The following EML4 variants were observed in gnomAD, a reference collection of about 807,000 sequenced individuals.
The protein encoded by EML4 is EMAP like 4.
In EML4, 72 loss-of-function variants were observed where a neutral mutation model predicts 129.0. The ratio of observed to expected loss-of-function variants is 0.56; its 90% CI spans 0.46 to 0.68. EML4 has a LOEUF of 0.68. EML4 is among the 30% of genes least tolerant of loss of function. The probability of loss-of-function intolerance (pLI) is 0.00; values close to 1 mark genes in which losing one functional copy is unlikely to be tolerated. For missense variants in EML4, 1,363 were observed against 1,190.6 expected (o/e 1.14, Z -2.13); for synonymous variants, 532 against 405.0 (o/e 1.31, Z -3.77).
intron 1 of EML4, among the ~76,000 whole-genome samples, chr2:42,177,256 C>A (rs750417079): frequency 6.8e-6 from 1 of 147,918 alleles, no homozygotes; most frequent in African/African-American, 2.5e-5. Flanking sequence ...TTTCATACCT[C>A]TTTTTTTTTT....
In EML4 at chr2:42,263,165, A is replaced by G. The variant is rs201200456; in HGVS notation, c.513-13A>G. The G allele has an allele frequency of 5.9e-5, 94 of 1,599,372 alleles. No individual in the cohort carries two copies. The highest frequency in any genetic ancestry group is 1.4e-4 in the South Asian group (12 of 88,068). On this transcript the variant is annotated splice_polypyrimidine_tract_variant and intron_variant, in intron 4 of 22. Coordinates refer to ENST00000318522, the MANE Select transcript of EML4 (RefSeq NM_019063.5). Reference sequence around the variant, plus strand: ...CTCAGAATTTTTCTCTAAGAAATTAATGTTCCTTCTAGCATAAAACGACCA... The same window carrying G: ...CTCAGAATTTTTCTCTAAGAAATTAGTGTTCCTTCTAGCATAAAACGACCA...
intron 1 of EML4, among the ~76,000 whole-genome samples, chr2:42,212,468 G>A (rs970028676): frequency 6.6e-6 from 1 of 151,696 alleles, no homozygotes; most frequent in African/African-American, 2.4e-5. Context: ...AAGCAAACTC[G>A]GCAGTAGATT....
At chr2:42,302,933 A>G (rs1184450359) in intron 14 of EML4, among the ~76,000 whole-genome samples, 171 bp from the exon 15 acceptor site, 2 of 152,238 alleles carry the variant, frequency 1.3e-5, no homozygotes, top group Non-Finnish European at 2.9e-5. Flanking sequence ...TAACTTCTGT[A>G]TAATAAAATG....
chr2:42,195,103 A>C (rs1243543162), intron 1 of EML4, among the ~76,000 whole-genome samples: 1 of 152,126 alleles, frequency 6.6e-6, no homozygotes, highest in Non-Finnish European at 1.5e-5. Flanking sequence ...TTAGGTCAGA[A>C]TTATGGGTTT....
At chr2:42,228,836 T>C (rs948201848) in intron 1 of EML4, among the ~76,000 whole-genome samples, 1 of 152,218 alleles carries the variant, frequency 6.6e-6, no homozygotes, top group East Asian at 1.9e-4. Context: ...CTTATTTAAA[T>C]CCTAACAATG....
intron 6 of EML4, among the ~76,000 whole-genome samples, chr2:42,266,408 T>C (rs555404427): frequency 1.3e-5 from 2 of 152,294 alleles, no homozygotes; most frequent in East Asian, 3.9e-4. Flanking sequence ...GTGCAGTCAC[T>C]GCCTTGGCTC....
rs907738766 is a variant in EML4 at position 42,232,585 on chromosome 2, G to A, written c.26-12920G>A. 2.6e-5 allele frequency among the ~76,000 whole-genome samples: 4 copies of A among 152,280 alleles called. No individual in the cohort carries two copies. The South Asian group carries it at 8.3e-4, about 32-fold the overall frequency. On this transcript the variant is annotated intron_variant, in intron 1 of 22. Transcript: ENST00000318522. The stretch of plus-strand genomic sequence containing the variant: ...ATATTCCCCAACCCACCTCACTCCT[G>A]TTAATCTTTCAAGTAACTCCTATAC...
rs1414737177 is a variant in EML4, at chr2:42,196,984, A to G, written c.25+27348A>G. Among the ~76,000 whole-genome samples, 5 of 152,242 alleles carry G rather than the reference A, an allele frequency of 3.3e-5. No homozygotes were observed. The South Asian group carries it at 6.2e-4, about 19-fold the overall frequency. On this transcript the variant is annotated intron_variant, in intron 1 of 22. Coordinates refer to ENST00000318522, the MANE Select transcript of EML4 (RefSeq NM_019063.5). Reference sequence around the variant, plus strand: ...TTATGTTCAGTGTTTTTGTAGGCCCATAGAATAAATACAGTAGAAGAGCCC... The same window carrying G: ...TTATGTTCAGTGTTTTTGTAGGCCCGTAGAATAAATACAGTAGAAGAGCCC...
At position 42,315,954 on chromosome 2, in the gene EML4, C is replaced by A; in HGVS notation, c.1968-8C>A. On this transcript the variant is annotated splice_polypyrimidine_tract_variant and splice_region_variant and intron_variant, in intron 17 of 22. Coordinates refer to ENST00000318522, the MANE Select transcript of EML4 (RefSeq NM_019063.5). ...CTGAAGAAAATTTTGATTTTTACTTCTTAACAGGTGGTTTGTTCTGGATGC... is the reference window on the plus strand; with the variant it reads ...CTGAAGAAAATTTTGATTTTTACTTATTAACAGGTGGTTTGTTCTGGATGC... The A allele has an allele frequency of 6.2e-7, 1 of 1,600,450 alleles. No homozygotes were observed. Among genetic ancestry groups the A allele is most frequent in the Non-Finnish European group, 8.5e-7 (1 of 1,172,804 alleles).
At chr2:42,271,972 C>T (rs965472186) in intron 6 of EML4, among the ~76,000 whole-genome samples, 1 of 151,656 alleles carries the variant, frequency 6.6e-6, no homozygotes, top group Non-Finnish European at 1.5e-5. Flanking sequence ...CATGATGGCA[C>T]CTGTCTGTTG....
At chr2:42,244,430 T>A (rs1305221661) in intron 1 of EML4, among the ~76,000 whole-genome samples, 1 of 152,222 alleles carries the variant, frequency 6.6e-6, no homozygotes, top group Non-Finnish European at 1.5e-5. Context: ...TGGATTCTTA[T>A]TGACCCAACA....
intron 9 of EML4, among the ~76,000 whole-genome samples, chr2:42,285,410 A>G (rs2103627898): frequency 6.6e-6 from 1 of 152,244 alleles, no homozygotes; most frequent in South Asian, 2.1e-4. Context: ...AAAGGAGTAG[A>G]AGGTTTCTAC....
intron 19 of EML4, among the ~76,000 whole-genome samples, chr2:42,320,168 A>G (rs1273199975): frequency 6.6e-6 from 1 of 152,118 alleles, no homozygotes; most frequent in African/African-American, 2.4e-5. Context: ...TGACATCATT[A>G]TAGTCCAGGG....
intron 4 of EML4, among the ~76,000 whole-genome samples, chr2:42,262,307 C>T (rs1269600892): frequency 6.6e-6 from 1 of 152,134 alleles, no homozygotes; most frequent in East Asian, 1.9e-4. Context: ...GATTCTTACC[C>T]AATCTAAATG....
At chr2:42,259,292 A>T (rs1665560161) in intron 3 of EML4, among the ~76,000 whole-genome samples, 2 of 151,960 alleles carry the variant, frequency 1.3e-5, no homozygotes, top group South Asian at 4.2e-4. Context: ...AGAAATAGGC[A>T]TTTAGTAGTT....
intron 11 of EML4, 53 bp downstream of exon 11, chr2:42,288,375 C>A: frequency 1.1e-6 from 1 of 941,454 alleles, no homozygotes; most frequent in South Asian, 1.4e-5. Flanking sequence ...ACTTGTTTTG[C>A]AGGTATTTGG....
At chr2:42,299,850 G>A (rs951708740) in intron 13 of EML4, among the ~76,000 whole-genome samples, 9 of 152,036 alleles carry the variant, frequency 5.9e-5, no homozygotes, top group Admixed American at 2.0e-4. Flanking sequence ...CATCATGCCC[G>A]GCTAATTTTG....
At chr2:42,169,713 G>A (rs1027589131) in intron 1 of EML4, 77 bp downstream of exon 1, 134 of 1,499,422 alleles carry the variant, frequency 8.9e-5, no homozygotes, top group Non-Finnish European at 1.1e-4. Context: ...CCCAGGCCCT[G>A]CCCTCCCGCC....
At chr2:42,291,933 G>C (rs1667668970) in intron 11 of EML4, among the ~76,000 whole-genome samples, 1 of 152,090 alleles carries the variant, frequency 6.6e-6, no homozygotes, top group Non-Finnish European at 1.5e-5. Flanking sequence ...TAAAACCCAA[G>C]TGCAATACCA....
Sources: gnomAD v4.1 joint callset for allele counts (sites outside exome capture counted in the v4.1 genomes callset) on GRCh38, gnomAD v4.1.1 for gene constraint, MANE v1.5 for transcripts, NCBI Gene and HGNC (gene_info 2026-07-23, HGNC 2026-07-21) for gene names.